Variants in PTPRN2 observed in about 807,000 individuals in gnomAD.
PTPRN2 encodes the protein protein tyrosine phosphatase receptor type N2.
A neutral mutation model predicts 118.8 loss-of-function variants in PTPRN2; 74 were observed. The ratio of observed to expected loss-of-function variants is 0.62; its 90% confidence interval spans 0.52 to 0.76. The LOEUF (loss-of-function observed/expected upper bound fraction) is 0.76, where lower values mean the gene tolerates loss of function less well. Among genes scored for constraint, PTPRN2 ranks in the 30% least tolerant of loss-of-function variants. The pLI is 0.00. For missense variants in PTPRN2, 1,481 were observed against 1,394.4 expected, an observed-to-expected ratio of 1.06 and a Z score of -0.99; for synonymous variants, 641 against 608.0, an observed-to-expected ratio of 1.05 and a Z score of -0.80.
At chr7:158,542,765 G>A (rs1327230034) in intron 1 of PTPRN2, among the ~76,000 whole-genome samples, 3 of 152,204 alleles carry the variant, frequency 2.0e-5, no homozygotes, top group Admixed American at 2.0e-4. Flanking sequence ...TGGGTCAACA[G>A]CAAGTCCATG....
intron 1 of PTPRN2, among the ~76,000 whole-genome samples, chr7:158,548,315 C>T (rs1826430132): frequency 6.6e-6 from 1 of 152,214 alleles, no homozygotes; most frequent in Non-Finnish European, 1.5e-5. Flanking sequence ...CTTTGGTTAC[C>T]AGGAAATGTT....
At chr7:157,566,415 C>CA (rs900281536) in intron 21 of PTPRN2, among the ~76,000 whole-genome samples, 1 of 152,234 alleles carries the variant, frequency 6.6e-6, no homozygotes, top group Non-Finnish European at 1.5e-5. Flanking sequence ...TGCACCAGAA[C>CA]AAAACCCCAG....
rs897251904 is a variant in PTPRN2, at chr7:157,964,720, G to T, written c.1724-65983C>A. Among the ~76,000 whole-genome samples the T allele has an allele frequency of 1.3e-5, 2 of 152,166 alleles. No individual in the cohort carries two copies. The highest frequency in any genetic ancestry group is 2.9e-5 in the Non-Finnish European group (2 of 68,042). Reference sequence around the variant, plus strand: ...ATGGACTTGACCGACTCACCTCAGAGCTTGGCACTGGGTGCTCTGATTCCC... The same window carrying T: ...ATGGACTTGACCGACTCACCTCAGATCTTGGCACTGGGTGCTCTGATTCCC... On this transcript the variant is annotated intron_variant, in intron 11 of 22. Coordinates refer to ENST00000389418, the MANE Select transcript of PTPRN2 (RefSeq NM_002847.5). The surrounding 1 kb of genome is among the most constrained non-coding windows in gnomAD (Gnocchi z 9.0).
chr7:158,340,381 A>G (rs1806450406), intron 2 of PTPRN2, among the ~76,000 whole-genome samples: 1 of 91,740 alleles, frequency 1.1e-5, no homozygotes, highest in African/African-American at 4.0e-5. Flanking sequence ...TCACACCCAT[A>G]CTCTCACCAT....
At chr7:158,077,504 G>C (rs554454105) in intron 11 of PTPRN2, among the ~76,000 whole-genome samples, 1 of 146,678 alleles carries the variant, frequency 6.8e-6, no homozygotes, top group East Asian at 2.0e-4. Flanking sequence ...CAGGACAGGA[G>C]CCCCCCATGA....
In PTPRN2 at chr7:157,562,920, T is replaced by G. The variant is rs1405066123; in HGVS notation, c.2902+5982A>C. Among the ~76,000 whole-genome samples the G allele has an allele frequency of 3.9e-5, 4 of 103,888 alleles. 1 individual carries two copies. Among genetic ancestry groups the G allele is most frequent in the African/African-American group, 1.2e-4 (3 of 25,616 alleles). The allele number at this position is 103,888 out of a possible 152,430, so 68.2% of individuals were successfully genotyped here. A position where few individuals can be genotyped will look rare whatever the true frequency, so the allele number is the denominator to read the frequency against. On this transcript the variant is annotated intron_variant, in intron 21 of 22. Transcript: ENST00000389418. ...CTCCCGCATCACCACACACCACAGATCAGGACCACGTGCTCCCACATCACC... is the reference window on the plus strand; with the variant it reads ...CTCCCGCATCACCACACACCACAGAGCAGGACCACGTGCTCCCACATCACC...
intron 12 of PTPRN2, among the ~76,000 whole-genome samples, chr7:157,758,606 G>A (rs563334184): frequency 3.9e-5 from 6 of 152,318 alleles, no homozygotes; most frequent in South Asian, 2.1e-4. Context: ...CTCTTGGCCC[G>A]GGTGGGCGGA....
intron 3 of PTPRN2, among the ~76,000 whole-genome samples, chr7:158,262,844 A>G (rs1330625795): frequency 6.2e-5 from 9 of 144,372 alleles, no homozygotes; most frequent in African/African-American, 1.9e-4. Context: ...CACTACACAC[A>G]CATACATACA....
chr7:157,587,181 CAGAT>C lies in PTPRN2; in HGVS notation c.2496+8053_2496+8056del, dbSNP rs912918191. Among the ~76,000 whole-genome samples, 1 of 147,096 alleles carries C rather than the reference CAGAT, an allele frequency of 6.8e-6. No individual in the cohort carries two copies. The highest frequency in any genetic ancestry group is 1.5e-5 in the Non-Finnish European group (1 of 66,272). Reference sequence around the variant, plus strand: ...CAGGCAGGCAGACAGACAAGACAGGCAGATAGAGACAAGACAGGCAGGCAGACAG... The same window carrying C: ...CAGGCAGGCAGACAGACAAGACAGGCAGAGACAAGACAGGCAGGCAGACAG... On this transcript the variant is annotated intron_variant, in intron 17 of 22. Transcript: ENST00000389418. This position sits in a 1 kb window ranked among gnomAD's most constrained non-coding sequence, Gnocchi z 5.3.
rs1289471525 is a variant in PTPRN2, at chr7:157,944,499, A to C, written c.1724-45762T>G. Among the ~76,000 whole-genome samples the C allele has an allele frequency of 2.6e-5, 4 of 152,238 alleles. No individual in the cohort carries two copies. Among genetic ancestry groups the C allele is most frequent in the Admixed American group, 6.5e-5 (1 of 15,288 alleles). On this transcript the variant is annotated intron_variant, in intron 11 of 22. Transcript: ENST00000389418. The surrounding 1 kb of genome is among the most constrained non-coding windows in gnomAD (Gnocchi z 4.3). ...TATTGGAAAATTCTTCTTTTTAAAAAAGTTTCATGGAAAAAGCTTCCTGCA... is the reference window on the plus strand; with the variant it reads ...TATTGGAAAATTCTTCTTTTTAAAACAGTTTCATGGAAAAAGCTTCCTGCA...
chr7:158,497,920 T>A (rs569950661), intron 1 of PTPRN2, among the ~76,000 whole-genome samples: 1 of 152,328 alleles, frequency 6.6e-6, no homozygotes, highest in South Asian at 2.1e-4. Flanking sequence ...ATGTCACACA[T>A]GAGCAGGAGC....
chr7:157,833,881 A>T (rs936220631), intron 12 of PTPRN2, among the ~76,000 whole-genome samples: 2 of 152,232 alleles, frequency 1.3e-5, no homozygotes, highest in Non-Finnish European at 2.9e-5. Context: ...ATCGGACAGG[A>T]CGTGGGCAGC....
intron 2 of PTPRN2, among the ~76,000 whole-genome samples, chr7:158,319,446 ACACACG>A (rs1802656602): frequency 8.5e-6 from 1 of 117,612 alleles, no homozygotes; most frequent in Non-Finnish European, 1.7e-5. Flanking sequence ...AGCCTCCCTC[ACACACG>A]CACACAGCCT....
chr7:157,586,964 C>A (rs534858725), intron 17 of PTPRN2, among the ~76,000 whole-genome samples: 1 of 152,318 alleles, frequency 6.6e-6, no homozygotes, highest in African/African-American at 2.4e-5. Context: ...TCTCTGGATG[C>A]TCTGAGGTTT....
intron 12 of PTPRN2, among the ~76,000 whole-genome samples, chr7:157,740,069 G>A (rs1800532993): frequency 6.6e-6 from 1 of 152,120 alleles, no homozygotes; most frequent in Non-Finnish European, 1.5e-5. Flanking sequence ...ACATTATATT[G>A]TGCTTTTTTA....
intron 11 of PTPRN2, among the ~76,000 whole-genome samples, chr7:158,054,282 G>A (rs1022859419): frequency 3.3e-5 from 5 of 152,288 alleles, no homozygotes; most frequent in African/African-American, 7.2e-5. Flanking sequence ...GGGCCGATTC[G>A]ACTGTGTGCT....
At chr7:158,359,507 C>T (rs1234713258) in intron 2 of PTPRN2, among the ~76,000 whole-genome samples, 2 of 152,052 alleles carry the variant, frequency 1.3e-5, no homozygotes, top group Non-Finnish European at 2.9e-5. Context: ...GAAGGCCTGC[C>T]CAAGGACTCC....
chr7:157,811,561 A>G lies in PTPRN2; in HGVS notation c.1788+87112T>C, dbSNP rs112328576. 6.1e-3 allele frequency among the ~76,000 whole-genome samples: 921 copies of G among 152,090 alleles called. 13 individuals are homozygous for G. Among genetic ancestry groups the G allele is most frequent in the African/African-American group, 0.021 (852 of 41,448 alleles). ...TAAGAACCCTGGCCAAATATACAGG[A>G]TTTAATGTCCTCAGCACCAGGCATC... On this transcript the variant is annotated intron_variant, in intron 12 of 22. Coordinates refer to ENST00000389418, the MANE Select transcript of PTPRN2 (RefSeq NM_002847.5).
chr7:158,340,521 T>G (rs1193688770), intron 2 of PTPRN2, among the ~76,000 whole-genome samples: 2 of 122,358 alleles, frequency 1.6e-5, no homozygotes, highest in African/African-American at 6.1e-5. Context: ...ACACCCACAT[T>G]CTCACCATAA....
Sources: gnomAD v4.1 joint callset for allele counts (sites outside exome capture counted in the v4.1 genomes callset) on GRCh38, gnomAD v4.1.1 for gene constraint, Gnocchi (gnomAD v3.1) non-coding constraint, MANE v1.5 for transcripts, NCBI Gene and HGNC (gene_info 2026-07-23, HGNC 2026-07-21) for gene names.